The following PRKG1 variants were observed in gnomAD, a reference collection of about 807,000 sequenced individuals.
The protein encoded by PRKG1 is cGMP-dependent protein kinase 1.
PRKG1 carries 35 observed loss-of-function variants against 88.1 expected under a neutral mutation model. The ratio of observed to expected loss-of-function variants is 0.40; its 90% CI spans 0.30 to 0.53. PRKG1 has a LOEUF of 0.53. PRKG1 is among the 20% of genes least tolerant of loss of function. The pLI is 0.59. For missense variants in PRKG1, 540 were observed against 839.8 expected, an observed-to-expected ratio of 0.64 and a Z score of 4.41; for synonymous variants, 303 against 292.5, an observed-to-expected ratio of 1.04 and a Z score of -0.37.
At chr10:51,806,061 G>A in intron 4 of PRKG1, among the ~76,000 whole-genome samples, 1 of 152,122 alleles carries the variant, frequency 6.6e-6, no homozygotes, top group East Asian at 1.9e-4. Context: ...TATGTTGTGT[G>A]TATGTGTGTG....
chr10:51,903,910 A>G (rs1457090156), intron 4 of PRKG1, among the ~76,000 whole-genome samples: 1 of 152,172 alleles, frequency 6.6e-6, no homozygotes, highest in Non-Finnish European at 1.5e-5. Context: ...TATCTATACA[A>G]TAGATGACAA....
At chr10:51,703,198 A>G (rs1051088858) in intron 3 of PRKG1, among the ~76,000 whole-genome samples, 1 of 152,208 alleles carries the variant, frequency 6.6e-6, no homozygotes, top group Non-Finnish European at 1.5e-5. Context: ...TTACATCAGA[A>G]TACAAAAATT....
chr10:51,428,677 C>A (rs1409183313), intron 2 of PRKG1, among the ~76,000 whole-genome samples: 1 of 152,084 alleles, frequency 6.6e-6, no homozygotes, highest in Non-Finnish European at 1.5e-5. Flanking sequence ...GGTAAGTCTA[C>A]CAGGAAAGGG....
intron 5 of PRKG1, among the ~76,000 whole-genome samples, chr10:52,053,895 C>T (rs902094413): frequency 2.3e-4 from 35 of 152,034 alleles, no homozygotes; most frequent in African/African-American, 8.0e-4. Context: ...TAACTAGGGT[C>T]GTCTAACCCA....
At chr10:51,611,249 T>C (rs1838899206) in intron 3 of PRKG1, among the ~76,000 whole-genome samples, 5 of 152,152 alleles carry the variant, frequency 3.3e-5, no homozygotes, top group Admixed American at 3.3e-4. Context: ...ACCAACAGTG[T>C]ATAACAATTT....
chr10:52,113,362 GGATGAATGGATGGATGGATGGATA>G (rs1847611154), intron 7 of PRKG1, among the ~76,000 whole-genome samples: 1 of 152,000 alleles, frequency 6.6e-6, no homozygotes, highest in South Asian at 2.1e-4. Context: ...CACAGTAAAT[GGATGAATGGATGGATGGATGGATA>G]GATGAATGGA....
intron 2 of PRKG1, among the ~76,000 whole-genome samples, chr10:51,308,838 A>G (rs902519287): frequency 2.0e-5 from 3 of 152,108 alleles, no homozygotes; most frequent in Non-Finnish European, 2.9e-5. Flanking sequence ...ACTGGAACCC[A>G]GTCTTCTGAG....
At chr10:51,706,578 C>G (rs1299157180) in intron 3 of PRKG1, among the ~76,000 whole-genome samples, 1 of 151,936 alleles carries the variant, frequency 6.6e-6, no homozygotes, top group East Asian at 1.9e-4. Context: ...GAAATTAGAC[C>G]AGGCTCAAAT....
chr10:52,112,829 A>G (rs1173444848), intron 7 of PRKG1, among the ~76,000 whole-genome samples: 1 of 152,156 alleles, frequency 6.6e-6, no homozygotes, highest in Non-Finnish European at 1.5e-5. Context: ...TTGGAGTACA[A>G]AAAACATTCT....
At chr10:51,928,707 T>C (rs958464159) in intron 5 of PRKG1, among the ~76,000 whole-genome samples, 1 of 152,320 alleles carries the variant, frequency 6.6e-6, no homozygotes, top group African/African-American at 2.4e-5. Context: ...ACACTGATTT[T>C]GCAATCAGCT....
chr10:52,052,584 T>C (rs1374243030), intron 5 of PRKG1, among the ~76,000 whole-genome samples: 1 of 151,954 alleles, frequency 6.6e-6, no homozygotes, highest in African/African-American at 2.4e-5. Context: ...GACTCAACAT[T>C]CCACATGGCT....
intron 3 of PRKG1, among the ~76,000 whole-genome samples, chr10:51,514,912 G>C (rs1335082393): frequency 6.6e-6 from 1 of 152,126 alleles, no homozygotes; most frequent in East Asian, 1.9e-4. Context: ...AACATTTTGG[G>C]CCAGATAATT....
chr10:51,153,416 G>GA (rs1213303214), intron 2 of PRKG1, 86 bp downstream of exon 2: 13 of 1,274,060 alleles, frequency 1.0e-5, no homozygotes, highest in Non-Finnish European at 1.4e-5. Flanking sequence ...GCATTACATG[G>GA]AAAATTCCAT....
At chr10:51,188,631 G>A (rs3862579) in intron 2 of PRKG1, among the ~76,000 whole-genome samples, 84,938 of 151,692 alleles carry the variant, frequency 0.56, 25,499 homozygotes, top group African/African-American at 0.81. Flanking sequence ...TAAAATGACA[G>A]AATATTTAGT....
chr10:51,886,849 G>T (rs559294502), intron 4 of PRKG1, among the ~76,000 whole-genome samples: 1 of 152,262 alleles, frequency 6.6e-6, no homozygotes, highest in Admixed American at 6.5e-5. Flanking sequence ...AGTTGGTCCT[G>T]CAGTGCTCAC....
intron 4 of PRKG1, among the ~76,000 whole-genome samples, chr10:51,878,512 T>C (rs1336756537): frequency 6.6e-6 from 1 of 152,164 alleles, no homozygotes; most frequent in Non-Finnish European, 1.5e-5. Flanking sequence ...CCATTCTAAA[T>C]GATTTTCCTT....
chr10:51,212,542 G>T (rs1343785834), intron 2 of PRKG1, among the ~76,000 whole-genome samples: 1 of 152,074 alleles, frequency 6.6e-6, no homozygotes, highest in East Asian at 1.9e-4. Context: ...CTAGAGAATG[G>T]GAGAAAATTT....
At chr10:51,396,261 C>T (rs988342879) in intron 2 of PRKG1, among the ~76,000 whole-genome samples, 8 of 151,890 alleles carry the variant, frequency 5.3e-5, no homozygotes, top group Admixed American at 2.6e-4. Context: ...ATTAACTGGG[C>T]GTGGTGACAT....
chr10:51,225,777 A>G lies in PRKG1; in HGVS notation c.478+72447A>G, dbSNP rs190646551. Among the ~76,000 whole-genome samples the G allele has an allele frequency of 1.4e-3, 211 of 152,264 alleles. 2 individuals are homozygous for G. The highest frequency in any genetic ancestry group is 1.9e-4 in the East Asian group (1 of 5,188). On this transcript the variant is annotated intron_variant, in intron 2 of 17. Transcript: ENST00000373980. ...GTCATTAAAAAAATACTGATTTAGAAAAGTTCTAGATTCACTGTATAGAAC... is the reference window on the plus strand; with the variant it reads ...GTCATTAAAAAAATACTGATTTAGAGAAGTTCTAGATTCACTGTATAGAAC...
Sources: allele counts gnomAD v4.1 joint callset (sites outside exome capture counted in the v4.1 genomes callset), GRCh38; gene constraint gnomAD v4.1.1; transcripts MANE v1.5; gene names NCBI Gene and HGNC (gene_info 2026-07-23, HGNC 2026-07-21).